ACE: variants seen among roughly 807,000 people sequenced by gnomAD.
ACE encodes the protein angiotensin I converting enzyme.
In ACE, 122 loss-of-function variants were observed where a neutral mutation model predicts 162.3. That is an observed-to-expected ratio of 0.75 (90% CI 0.65 to 0.87). The LOEUF is 0.87. Ranked by LOEUF, ACE falls within the 40% of genes least tolerant of loss-of-function variation. ACE has a pLI of 0.00. For synonymous variants in ACE, 796 were observed against 720.6 expected, an observed-to-expected ratio of 1.10 and a Z score of -1.68; for missense variants, 1,799 against 1,735.1, an observed-to-expected ratio of 1.04 and a Z score of -0.65.
At chr17:63,477,830 G>A (rs1484485633) in intron 1 of ACE, 101 bp from the exon 2 acceptor site, 4 of 1,450,504 alleles carry the variant, frequency 2.8e-6, no homozygotes, top group Admixed American at 4.0e-5. Context: ...GGCTCTGGAA[G>A]CCCTTGGCCT....
chr17:63,483,567 G>GCGGGGCCCCCCCC lies in ACE; in HGVS notation c.1586+10_1586+11insGGGGCCCCCCCCC. ...GTGACACCATACATCAGGTATTAGC[G>GCGGGGCCCCCCCC]CCCCCACCCCACCCACCCCCAGTAC... is the stretch of plus-strand genomic sequence containing the variant. On this transcript the variant is annotated intron_variant, in intron 10 of 24. Transcript: ENST00000290866. 4 of 1,589,548 alleles carry GCGGGGCCCCCCCC rather than the reference G, an allele frequency of 2.5e-6. No individual in the cohort carries two copies. Among genetic ancestry groups the GCGGGGCCCCCCCC allele is most frequent in the Non-Finnish European group, 3.4e-6 (4 of 1,165,664 alleles).
chr17:63,482,941 C>T lies in ACE; in HGVS notation c.1343-88C>T, dbSNP rs916434123. On this transcript the variant is annotated intron_variant, in intron 8 of 24. Transcript: ENST00000290866. ...CCTTCTCTGCATCTCCCTGGCCTCA[C>T]TTTCTGCTGCCCCGCCAGCCCACAC... 8 of 1,439,472 alleles carry T rather than the reference C, an allele frequency of 5.6e-6. No individual in the cohort carries two copies. In the African/African-American group the frequency reaches 8.4e-5, roughly 15 times the overall value. The allele number at this position is 1,439,472 out of a possible 1,614,324, so 89.2% of individuals were successfully genotyped here.
Position 63,488,688 on chromosome 17 carries a change from C to A in ACE, c.2346C>A (p.Asp782Glu), listed in dbSNP as rs760477392. 6 of 1,613,382 alleles carry A rather than the reference C, an allele frequency of 3.7e-6. No homozygotes were observed. In the African/African-American group the frequency reaches 8.0e-5, roughly 22 times the overall value. Reference protein sequence around the residue: ...NVMATSRKYEDLLWAWEGWRD... With the variant: ...NVMATSRKYEELLWAWEGWRD... ...TGGCCACGTCCCGGAAATATGAAGA[C>A]CTGTTATGGGCATGGGAGGGCTGGC... Residue 782 changes from aspartate to glutamate, a missense_variant, in exon 16 of 25, where the codon GAC becomes GAA. Coordinates refer to ENST00000290866, the MANE Select transcript of ACE (RefSeq NM_000789.4).
At position 63,491,381 on chromosome 17, in the gene ACE, GGTA is replaced by G; in HGVS notation, c.2912+1_2912+3del. On this transcript the variant is annotated splice_donor_variant and splice_donor_region_variant and intron_variant, in intron 19 of 24. Coordinates refer to ENST00000290866, the MANE Select transcript of ACE (RefSeq NM_000789.4). LOFTEE classifies it high-confidence loss of function. This position sits in a 1 kb window ranked among gnomAD's most constrained non-coding sequence, Gnocchi z 4.4. ...GACTTCTACAACGGCAAGGACTTCC[GGTA>G]CATCCAGCTAGGGCTCAGGTCTCGT... 1 of 1,614,086 alleles carries G rather than the reference GGTA, an allele frequency of 6.2e-7. No individual in the cohort carries two copies.
chr17:63,497,153 C>T lies in ACE; in HGVS notation c.3708C>T (p.Pro1236=), dbSNP rs755904563. 8 of 1,604,418 alleles carry T rather than the reference C, an allele frequency of 5.0e-6. No homozygotes were observed. Among genetic ancestry groups the T allele is most frequent in the Non-Finnish European group, 5.9e-6 (7 of 1,179,316 alleles). Residue 1236 remains proline (P), a synonymous_variant, in exon 25 of 25, where the codon CCC becomes CCT. Coordinates refer to ENST00000290866, the MANE Select transcript of ACE (RefSeq NM_000789.4). ...WTPNSARSEG[P]LPDSGRVSFL... is the part of the protein sequence containing the mutation. Reference sequence around the variant, plus strand: ...CCCGCTCAGCTCGCTCAGAAGGGCCCCTCCCAGACAGCGGCCGCGTCAGCT... The same window carrying T: ...CCCGCTCAGCTCGCTCAGAAGGGCCTCTCCCAGACAGCGGCCGCGTCAGCT...
chr17:63,478,440 C>A (rs1045484280), intron 2 of ACE: 1 of 346,982 alleles, frequency 2.9e-6, no homozygotes, highest in East Asian at 6.9e-5. Flanking sequence ...CTGAGGTGGG[C>A]GCATCGCTTG....
In ACE at chr17:63,484,049, G is replaced by C; in HGVS notation, c.1709+78G>C. The C allele has an allele frequency of 1.3e-6, 2 of 1,537,684 alleles. No individual in the cohort carries two copies. Among genetic ancestry groups the C allele is most frequent in the South Asian group, 1.2e-5 (1 of 83,694 alleles). On this transcript the variant is annotated intron_variant, in intron 11 of 24. Transcript: ENST00000290866. The surrounding 1 kb of genome is among the most constrained non-coding windows in gnomAD (Gnocchi z 4.0). ...AGGGTGTGGCAGGAGGTGTCTGGCT[G>C]CTCTGATGGGGTGGGGGGCACCAAC... is the stretch of plus-strand genomic sequence containing the variant.
chr17:63,478,380 G>A, intron 2 of ACE: 1 of 470,060 alleles, frequency 2.1e-6, no homozygotes, highest in Non-Finnish European at 3.9e-6. Context: ...GAAGAGTTGA[G>A]AAGGGCTGGG....
intron 24 of ACE, 43 bp downstream of exon 24, chr17:63,497,028 C>T (rs1050817684): frequency 1.9e-6 from 3 of 1,593,886 alleles, no homozygotes; most frequent in African/African-American, 1.3e-5. Flanking sequence ...TCTTAACCCC[C>T]TCCCCAGGCT....
intron 21 of ACE, 38 bp from the exon 22 acceptor site, chr17:63,494,334 C>A (rs990004536): frequency 1.3e-6 from 2 of 1,599,318 alleles, no homozygotes; most frequent in Non-Finnish European, 1.7e-6. Flanking sequence ...CCTGGTTCTC[C>A]CCAAACTCAT....
At chr17:63,483,657 C>T (rs1452566074) in intron 10 of ACE, 99 bp downstream of exon 10, 2 of 1,390,622 alleles carry the variant, frequency 1.4e-6, no homozygotes, top group Non-Finnish European at 2.0e-6. Context: ...GGCTTGTCCC[C>T]ATGCTCCTCC....
intron 19 of ACE, among the ~76,000 whole-genome samples, chr17:63,492,823 A>G (rs376844983): frequency 3.3e-5 from 5 of 152,180 alleles, no homozygotes; most frequent in East Asian, 3.9e-4. Context: ...GGGGTTCGAG[A>G]CCATCCTGGG....
In ACE at chr17:63,493,578, G is replaced by A. The variant is rs1418273122; in HGVS notation, c.3055G>A (p.Gly1019Arg). The change falls in exon 20 of 25, where the codon GGG becomes AGG. Residue 1019 changes from glycine (G) to arginine (R), a missense_variant. Physicochemically the swap from Gly to Arg is moderately radical, Grantham distance 125. Coordinates refer to ENST00000290866, the MANE Select transcript of ACE (RefSeq NM_000789.4). ...GANPGFHEAI[G>R]DVLALSVSTP... ...CAACCCCGGCTTCCATGAGGCCATT[G>A]GGGACGTGCTAGCCCTCTCAGTGTC... The A allele has an allele frequency of 1.2e-6, 2 of 1,614,220 alleles. No individual in the cohort carries two copies. Among genetic ancestry groups the A allele is most frequent in the South Asian group, 2.2e-5 (2 of 91,088 alleles).
chr17:63,481,676 C>A lies in ACE; in HGVS notation c.1056C>A (p.Ala352=). The change falls in exon 7 of 25, where the codon GCC becomes GCA. Residue 352 remains alanine (A), a synonymous_variant. Coordinates refer to ENST00000290866, the MANE Select transcript of ACE (RefSeq NM_000789.4). ...FWEGSMLEKP[A]DGREVVCHAS... is the part of the protein sequence containing the mutation. ...AAGGGTCGATGCTGGAGAAGCCGGC[C>A]GACGGGCGGGAAGTGGTGTGCCACG... The A allele has an allele frequency of 6.2e-7, 1 of 1,613,908 alleles. No individual in the cohort carries two copies. Among genetic ancestry groups the A allele is most frequent in the Non-Finnish European group, 8.5e-7 (1 of 1,179,960 alleles).
rs777955033 is a variant in ACE, at chr17:63,491,297, A to G, written c.2828A>G (p.Lys943Arg). ...CCCGTGCCTCCTGAGTTCTGGAACA[A>G]GTCGATGCTGGAGAAGCCAACCGAC... The part of the protein sequence containing the change: ...LLPVPPEFWN[K>R]SMLEKPTDGR... The change falls in exon 19 of 25, where the codon AAG (lysine) becomes AGG (arginine). Residue 943 changes from lysine (K) to arginine (R), a missense_variant. Lys to Arg is a conservative substitution (Grantham distance 26). Transcript: ENST00000290866. The surrounding 1 kb of genome is among the most constrained non-coding windows in gnomAD (Gnocchi z 4.4). The G allele has an allele frequency of 6.2e-7, 1 of 1,614,164 alleles. No homozygotes were observed. The highest frequency in any genetic ancestry group is 1.1e-5 in the South Asian group (1 of 91,084).
Position 63,488,691 on chromosome 17 carries a change from G to A in ACE, c.2349G>A (p.Leu783=). The change falls in exon 16 of 25, where the codon CTG becomes CTA. Residue 783 remains leucine (L), a synonymous_variant. Coordinates refer to ENST00000290866, the MANE Select transcript of ACE (RefSeq NM_000789.4). Reference sequence around the variant, plus strand: ...CCACGTCCCGGAAATATGAAGACCTGTTATGGGCATGGGAGGGCTGGCGAG... The same window carrying A: ...CCACGTCCCGGAAATATGAAGACCTATTATGGGCATGGGAGGGCTGGCGAG... ...VMATSRKYED[L]LWAWEGWRDK... is the part of the protein sequence containing the mutation. The A allele has an allele frequency of 1.2e-6, 2 of 1,613,532 alleles. No individual in the cohort carries two copies. Among genetic ancestry groups the A allele is most frequent in the Non-Finnish European group, 1.7e-6 (2 of 1,179,928 alleles).
chr17:63,498,045 CACACCAG>C lies in ACE; in HGVS notation c.*680_*686del. 5.7e-6 allele frequency: 1 copy of C among 175,712 alleles called. No individual in the cohort carries two copies. Among genetic ancestry groups the C allele is most frequent in the South Asian group, 1.4e-4 (1 of 7,322 alleles). The allele number at this position is 175,712 out of a possible 1,614,324, so 10.9% of individuals were successfully genotyped here. ...CAAGGAGGGTGCCCCCTGGAGGGCA[CACACCAG>C]CCTAGTGCTTACCTTGGCTCCTGCC... On this transcript the variant is annotated 3_prime_UTR_variant, in exon 25 of 25. Transcript: ENST00000290866.
chr17:63,494,637 G>T (rs537160667), intron 22 of ACE, among the ~76,000 whole-genome samples, 167 bp downstream of exon 22: 43 of 152,316 alleles, frequency 2.8e-4, no homozygotes, highest in Non-Finnish European at 2.8e-4. Flanking sequence ...AGGCTGATGG[G>T]TTTTTTCTTG....
chr17:63,479,195 G>GACCCT, intron 3 of ACE, 95 bp downstream of exon 3: 3 of 1,068,236 alleles, frequency 2.8e-6, no homozygotes, highest in Non-Finnish European at 4.2e-6. Flanking sequence ...GGTCTGTGGA[G>GACCCT]ACAGCAGGTA....
Sources: gnomAD v4.1 joint callset for allele counts (sites outside exome capture counted in the v4.1 genomes callset) on GRCh38, gnomAD v4.1.1 for gene constraint, Gnocchi (gnomAD v3.1) non-coding constraint, MANE v1.5 for transcripts, NCBI Gene and HGNC (gene_info 2026-07-23, HGNC 2026-07-21) for gene names.